The following GRM7 variants were observed in gnomAD, a reference collection of about 807,000 sequenced individuals.
The protein encoded by GRM7 is glutamate metabotropic receptor 7.
A neutral mutation model predicts 84.5 loss-of-function variants in GRM7; 35 were observed. The observed-to-expected ratio is 0.41, with a 90% CI of 0.32 to 0.55. The LOEUF (loss-of-function observed/expected upper bound fraction) is 0.55. GRM7 is among the 20% of genes least tolerant of loss of function. The pLI, the probability that GRM7 is intolerant of heterozygous loss-of-function variation, is 0.19. For synonymous variants in GRM7, 487 were observed against 455.1 expected (o/e 1.07, Z -0.89); for missense variants, 1,003 against 1,194.6 (o/e 0.84, Z 2.36).
At chr3:7,331,686 C>T (rs1024738796) in intron 4 of GRM7, among the ~76,000 whole-genome samples, 1 of 152,140 alleles carries the variant, frequency 6.6e-6, no homozygotes, top group Non-Finnish European at 1.5e-5. Flanking sequence ...TATCATAGCA[C>T]AGTATCTCAT....
intron 4 of GRM7, among the ~76,000 whole-genome samples, chr3:7,332,107 A>G (rs1028835628): frequency 1.3e-5 from 2 of 152,164 alleles, no homozygotes; most frequent in Non-Finnish European, 2.9e-5. Context: ...AGCACTAAGT[A>G]AAATAACAGT....
At chr3:7,300,852 C>T (rs940300075) in intron 3 of GRM7, among the ~76,000 whole-genome samples, 6 of 152,130 alleles carry the variant, frequency 3.9e-5, no homozygotes, top group South Asian at 2.1e-4. Context: ...TTCACTAGTT[C>T]GTAAAATTAG....
chr3:7,398,006 C>A lies in GRM7; in HGVS notation c.1034-17017C>A, dbSNP rs559837766. Among the ~76,000 whole-genome samples the A allele has an allele frequency of 3.1e-3, 470 of 152,136 alleles. 2 individuals carry two copies. The highest frequency in any genetic ancestry group is 0.01 in the African/African-American group (420 of 41,498). ...CATGTGATATAAACGAAACACCAAC[C>A]CCCCACCAAAAACTTATAATTTTAG... On this transcript the variant is annotated intron_variant, in intron 4 of 9. Coordinates refer to ENST00000357716, the MANE Select transcript of GRM7 (RefSeq NM_000844.4).
intron 1 of GRM7, among the ~76,000 whole-genome samples, chr3:7,104,464 A>G (rs918057182): frequency 1.3e-5 from 2 of 151,824 alleles, no homozygotes; most frequent in Admixed American, 6.6e-5. Context: ...CTGGTTGCTT[A>G]TGAATATTTT....
At chr3:7,114,884 C>T (rs1339712864) in intron 1 of GRM7, among the ~76,000 whole-genome samples, 3 of 152,086 alleles carry the variant, frequency 2.0e-5, no homozygotes, top group Non-Finnish European at 4.4e-5. Context: ...ATCACTGCTG[C>T]CCACCCCATG....
At chr3:7,421,285 A>C (rs1314584356) in intron 5 of GRM7, among the ~76,000 whole-genome samples, 1 of 152,196 alleles carries the variant, frequency 6.6e-6, no homozygotes, top group African/African-American at 2.4e-5. Context: ...CTGACAGAAG[A>C]TAAGCAAGAT....
At chr3:7,601,011 C>T (rs777402609) in intron 8 of GRM7, among the ~76,000 whole-genome samples, 16 of 152,098 alleles carry the variant, frequency 1.1e-4, no homozygotes, top group Admixed American at 3.3e-4. Context: ...TAATACTTGC[C>T]GTGATTTGCC....
At chr3:7,672,639 C>A (rs1371560196) in intron 8 of GRM7, among the ~76,000 whole-genome samples, 1 of 140,838 alleles carries the variant, frequency 7.1e-6, no homozygotes, top group Non-Finnish European at 1.5e-5. Flanking sequence ...GAGTCTCGCT[C>A]TGTCACCCAG....
intron 1 of GRM7, among the ~76,000 whole-genome samples, chr3:7,073,572 C>G (rs1243476108): frequency 1.3e-5 from 2 of 151,996 alleles, no homozygotes; most frequent in African/African-American, 2.4e-5. Context: ...TCCTAAGTGA[C>G]TATTGGAGTT....
At chr3:6,957,136 C>T (rs1693089002) in intron 1 of GRM7, among the ~76,000 whole-genome samples, 1 of 152,150 alleles carries the variant, frequency 6.6e-6, no homozygotes, top group African/African-American at 2.4e-5. Flanking sequence ...TGCCTTTGGA[C>T]CCTGGTGTCG....
chr3:7,505,500 A>T (rs79989026), intron 7 of GRM7, among the ~76,000 whole-genome samples: 13,938 of 152,236 alleles, frequency 0.092, 752 homozygotes, highest in South Asian at 0.16. Context: ...GTGACAAACC[A>T]CCGTGTGGTC....
At chr3:7,136,961 T>C (rs74682246) in intron 1 of GRM7, among the ~76,000 whole-genome samples, 1,814 of 152,236 alleles carry the variant, frequency 0.012, 28 homozygotes, top group Non-Finnish European at 0.016. Flanking sequence ...TCAATTGACC[T>C]TCCTCTAAAT....
rs1695031781 is a variant in GRM7 at position 6,869,175 on chromosome 3, G to T, written c.519+7268G>T. Among the ~76,000 whole-genome samples the T allele has an allele frequency of 3.3e-5, 5 of 152,070 alleles. No homozygotes were observed. In the South Asian group the frequency reaches 1.0e-3, roughly 32 times the overall value. ...GAATTATCAGAATTTCCATGTAGGG[G>T]TTAAGAATCAAATTCTGGAGCAAGA... is the stretch of plus-strand genomic sequence containing the variant. On this transcript the variant is annotated intron_variant, in intron 1 of 9. Transcript: ENST00000357716.
At chr3:6,878,883 G>C (rs1197360871) in intron 1 of GRM7, among the ~76,000 whole-genome samples, 1 of 152,142 alleles carries the variant, frequency 6.6e-6, no homozygotes, top group African/African-American at 2.4e-5. Flanking sequence ...TGGATTACTA[G>C]ATTTGCATTT....
At chr3:7,395,974 G>A (rs1283005409) in intron 4 of GRM7, among the ~76,000 whole-genome samples, 1 of 152,092 alleles carries the variant, frequency 6.6e-6, no homozygotes, top group East Asian at 1.9e-4. Context: ...ACCCTGATCT[G>A]ACAATTATAT....
At chr3:7,250,743 C>G (rs1485734103) in intron 2 of GRM7, among the ~76,000 whole-genome samples, 1 of 152,204 alleles carries the variant, frequency 6.6e-6, no homozygotes, top group South Asian at 2.1e-4. Flanking sequence ...AGGCTGGTCT[C>G]GAACTCCTGA....
chr3:6,960,218 G>A (rs775052531), intron 1 of GRM7, among the ~76,000 whole-genome samples: 3 of 151,998 alleles, frequency 2.0e-5, no homozygotes, highest in East Asian at 1.9e-4. Context: ...TGCTCTTCCC[G>A]ACCTCTTTCC....
At chr3:7,224,571 C>T (rs1696918931) in intron 2 of GRM7, among the ~76,000 whole-genome samples, 2 of 152,142 alleles carry the variant, frequency 1.3e-5, no homozygotes, top group Admixed American at 1.3e-4. Flanking sequence ...GTTTTAGGTC[C>T]TATTTAAGAA....
intron 1 of GRM7, among the ~76,000 whole-genome samples, chr3:6,893,761 A>G (rs1696062232): frequency 6.6e-6 from 1 of 152,170 alleles, no homozygotes; most frequent in Non-Finnish European, 1.5e-5. Context: ...GTTATTAGTT[A>G]TATTCTGGTA....
Sources: gnomAD v4.1 joint callset for allele counts (sites outside exome capture counted in the v4.1 genomes callset) on GRCh38, gnomAD v4.1.1 for gene constraint, MANE v1.5 for transcripts, NCBI Gene and HGNC (gene_info 2026-07-23, HGNC 2026-07-21) for gene names.